The following MECR variants were observed in gnomAD, a reference collection of about 807,000 sequenced individuals.
MECR encodes the protein enoyl-[acyl-carrier-protein] reductase, mitochondrial.
A neutral mutation model predicts 49.1 loss-of-function variants in MECR; 37 were observed. The ratio of observed to expected loss-of-function variants is 0.75; its 90% CI spans 0.58 to 0.99. MECR has a LOEUF of 0.99. Ranked by LOEUF, MECR falls within the 50% of genes least tolerant of loss-of-function variation. The pLI is 0.00. For synonymous variants in MECR, 198 were observed against 191.1 expected, an observed-to-expected ratio of 1.04 and a Z score of -0.30; for missense variants, 470 against 479.6, an observed-to-expected ratio of 0.98 and a Z score of 0.19.
At chr1:29,206,987 G>A (rs1676761043) in intron 3 of MECR, 82 bp from the exon 4 acceptor site, 2 of 1,520,190 alleles carry the variant, frequency 1.3e-6, no homozygotes, top group Non-Finnish European at 1.8e-6. Flanking sequence ...TGGCCAAGAA[G>A]CATCCAGGAT....
intron 1 of MECR, among the ~76,000 whole-genome samples, chr1:29,229,542 G>A (rs922800045): frequency 2.6e-5 from 4 of 152,158 alleles, no homozygotes; most frequent in Non-Finnish European, 4.4e-5. Flanking sequence ...TACCACATTT[G>A]CCCATCCTTT....
chr1:29,176,348 T>C, the MECR span, among the ~76,000 whole-genome samples: 7 of 152,162 alleles, frequency 4.6e-5, no homozygotes, highest in South Asian at 6.2e-4. Context: ...TCATTAGTTA[T>C]AGCATTATCA....
chr1:29,177,277 CTT>C, the MECR span, among the ~76,000 whole-genome samples: 3 of 141,476 alleles, frequency 2.1e-5, no homozygotes, highest in South Asian at 2.2e-4. Context: ...TACAGTAACT[CTT>C]TTTGTTTTTT....
chr1:29,220,557 A>G (rs1385932532), intron 1 of MECR, among the ~76,000 whole-genome samples: 1 of 152,258 alleles, frequency 6.6e-6, no homozygotes, highest in African/African-American at 2.4e-5. Flanking sequence ...CCTTAAGAGC[A>G]TTCAGTCTAG....
At chr1:29,226,952 CTTTTTTT>C (rs890320572) in intron 1 of MECR, among the ~76,000 whole-genome samples, 4 of 99,722 alleles carry the variant, frequency 4.0e-5, no homozygotes, top group East Asian at 2.8e-4. Context: ...TGGGAACTAT[CTTTTTTT>C]TTTTTTTTTT....
At chr1:29,220,434 C>G (rs1037271823) in intron 1 of MECR, among the ~76,000 whole-genome samples, 1 of 152,138 alleles carries the variant, frequency 6.6e-6, no homozygotes, top group Non-Finnish European at 1.5e-5. Flanking sequence ...TTTAGGAAAT[C>G]AGGCGCAGGG....
chr1:29,185,382 G>A, the MECR span, among the ~76,000 whole-genome samples: 1 of 152,034 alleles, frequency 6.6e-6, no homozygotes, highest in African/African-American at 2.4e-5. Flanking sequence ...CTGAGTAGCT[G>A]GGACTACAGG....
chr1:29,212,807 G>A (rs1463613205), intron 3 of MECR, among the ~76,000 whole-genome samples: 1 of 152,190 alleles, frequency 6.6e-6, no homozygotes, highest in Non-Finnish European at 1.5e-5. Flanking sequence ...CGTGGATGCA[G>A]GACCGCTGGG....
the MECR span, among the ~76,000 whole-genome samples, chr1:29,177,893 A>ATTTTTTTTTTT: frequency 1.1e-5 from 1 of 93,636 alleles, no homozygotes; most frequent in African/African-American, 4.4e-5. Flanking sequence ...ATTACACAAG[A>ATTTTTTTTTTT]TTTTTTTTTT....
At chr1:29,182,207 T>C in the MECR span, among the ~76,000 whole-genome samples, 1 of 152,208 alleles carries the variant, frequency 6.6e-6, no homozygotes, top group East Asian at 1.9e-4. Context: ...CGGGTGTGGT[T>C]TGGATTTCGG....
At chr1:29,199,329 G>A (rs967880023) in intron 7 of MECR, among the ~76,000 whole-genome samples, 3 of 152,068 alleles carry the variant, frequency 2.0e-5, no homozygotes, top group East Asian at 1.9e-4. Context: ...CGGGGTTCAC[G>A]CCATTCTCCT....
At chr1:29,202,570 C>T (rs981495270) in intron 5 of MECR, among the ~76,000 whole-genome samples, 18 of 152,076 alleles carry the variant, frequency 1.2e-4, no homozygotes, top group African/African-American at 3.4e-4. Context: ...AGAAACTGGA[C>T]GATATGATGG....
rs138767236 is a variant in MECR, at chr1:29,195,723, G to A, written c.964+218C>T. 2.7e-3 allele frequency among the ~76,000 whole-genome samples: 413 copies of A among 152,302 alleles called. 1 individual carries two copies. The highest frequency in any genetic ancestry group is 0.01 in the Middle Eastern group (3 of 294). ...TTCCCCACTGTCAGCTCTTCAGGACGGGGGCAGTGTCTGTCTTGTTCTGCG... is the reference window on the plus strand; with the variant it reads ...TTCCCCACTGTCAGCTCTTCAGGACAGGGGCAGTGTCTGTCTTGTTCTGCG... On this transcript the variant is annotated intron_variant, in intron 9 of 9. Transcript: ENST00000263702.
chr1:29,195,093 G>A (rs1673636388), intron 9 of MECR, among the ~76,000 whole-genome samples: 1 of 152,066 alleles, frequency 6.6e-6, no homozygotes, highest in Admixed American at 6.6e-5. Context: ...TCCAGCCAGG[G>A]CAACAGAGCG....
chr1:29,187,304 C>G, the MECR span, among the ~76,000 whole-genome samples: 1 of 151,534 alleles, frequency 6.6e-6, no homozygotes, highest in South Asian at 2.1e-4. Flanking sequence ...ACCTCCGCCT[C>G]CGGGTTCAAG....
At position 29,201,531 on chromosome 1, in the gene MECR, T is replaced by G; in HGVS notation, c.756+412A>C. 2.2e-6 allele frequency: 1 copy of G among 460,960 alleles called. No individual in the cohort carries two copies. The highest frequency in any genetic ancestry group is 4.4e-6 in the Non-Finnish European group (1 of 226,324). 28.6% of individuals were successfully genotyped at this position (460,960 alleles called of 1,614,324 possible). The stretch of plus-strand genomic sequence containing the variant: ...TTAGTTTCCTAATCTGTAAAACAGA[T>G]AACAGTTCCTTTGAAAAGCTTTTGT... On this transcript the variant is annotated intron_variant, in intron 6 of 9. Transcript: ENST00000263702. This position sits in a 1 kb window ranked among gnomAD's most constrained non-coding sequence, Gnocchi z 4.3.
chr1:29,170,245 C>T, the MECR span: 1 of 151,930 alleles, frequency 6.6e-6, no homozygotes, highest in Non-Finnish European at 1.5e-5. Flanking sequence ...AAATTAAAAA[C>T]GATTTGAAAA....
chr1:29,175,422 G>A, the MECR span, among the ~76,000 whole-genome samples: 4,048 of 151,138 alleles, frequency 0.027, 160 homozygotes, highest in African/African-American at 0.093. Context: ...CCGGCCGGGC[G>A]TGGTGGCTCA....
chr1:29,200,711 C>A, intron 6 of MECR, 122 bp from the exon 7 acceptor site: 1 of 751,408 alleles, frequency 1.3e-6, no homozygotes, highest in South Asian at 1.6e-5. Context: ...TGTTTGCGTG[C>A]ACGTACTTAT....
Sources: allele counts gnomAD v4.1 joint callset (sites outside exome capture counted in the v4.1 genomes callset), GRCh38; gene constraint gnomAD v4.1.1; non-coding constraint Gnocchi (gnomAD v3.1); transcripts MANE v1.5; gene names NCBI Gene and HGNC (gene_info 2026-07-23, HGNC 2026-07-21).